Variants in CAPN1 observed in about 807,000 individuals in gnomAD.
CAPN1 encodes the protein calpain-1 catalytic subunit.
A neutral mutation model predicts 105.2 loss-of-function variants in CAPN1; 77 were observed. That is an observed-to-expected ratio of 0.73 (90% confidence interval 0.61 to 0.88). The LOEUF (loss-of-function observed/expected upper bound fraction) is 0.88, where lower values mean the gene tolerates loss of function less well. CAPN1 is among the 40% of genes least tolerant of loss of function. The pLI, the probability that CAPN1 is intolerant of heterozygous loss-of-function variation, is 0.00. For synonymous variants in CAPN1, 355 were observed against 388.8 expected (o/e 0.91, Z 1.02); for missense variants, 833 against 976.6 (o/e 0.85, Z 1.96).
At chr11:65,187,779 T>G in intron 7 of CAPN1, 176 bp from the exon 8 acceptor site, 2 of 536,582 alleles carry the variant, frequency 3.7e-6, no homozygotes, top group South Asian at 4.0e-5. Context: ...TCCAGCTATT[T>G]GGGAGGCTGA....
At chr11:65,195,100 GTTTT>G (rs60778423) in intron 10 of CAPN1, among the ~76,000 whole-genome samples, 4 of 90,906 alleles carry the variant, frequency 4.4e-5, no homozygotes, top group African/African-American at 1.0e-4. Context: ...GTTTTTTGGG[GTTTT>G]TTTTTTTTTT....
chr11:65,207,033 AC>A (rs1423600496), intron 14 of CAPN1, among the ~76,000 whole-genome samples: 3 of 151,976 alleles, frequency 2.0e-5, no homozygotes, highest in African/African-American at 7.3e-5. Flanking sequence ...CTGAGCTCTC[AC>A]CCGGTGGCGG....
Position 65,209,292 on chromosome 11 carries a change from G to C in CAPN1, c.1730-31G>C, listed in dbSNP as rs111711310. 4.3e-4 allele frequency: 683 copies of C among 1,601,274 alleles called. 1 individual carries two copies. The African/African-American group carries it at 7.0e-3, about 16-fold the overall frequency. On this transcript the variant is annotated intron_variant, in intron 16 of 21. Transcript: ENST00000279247. This position sits in a 1 kb window ranked among gnomAD's most constrained non-coding sequence, Gnocchi z 4.1. ...GGGGCAGGTGCAGGAAGCTCACTAG[G>C]TGGAGATGTTGGAATTGGTTTTTCT...
At chr11:65,182,516 C>T in intron 1 of CAPN1, 185 bp from the exon 2 acceptor site, 1 of 607,064 alleles carries the variant, frequency 1.6e-6, no homozygotes, top group Non-Finnish European at 2.8e-6. Context: ...AAATCCCTTT[C>T]CTGGATTCAC....
Position 65,188,580 on chromosome 11 carries a change from C to T in CAPN1, c.1005-6C>T, listed in dbSNP as rs373678024. ...CTGTGCCTCACCTGTGTACCTCCCA[C>T]CTCAGGATGTCATTCCGAGACTTCA... is the stretch of plus-strand genomic sequence containing the variant. On this transcript the variant is annotated splice_region_variant and splice_polypyrimidine_tract_variant and intron_variant, in intron 9 of 21. Transcript: ENST00000279247. This position sits in a 1 kb window ranked among gnomAD's most constrained non-coding sequence, Gnocchi z 5.5. The T allele has an allele frequency of 1.2e-6, 2 of 1,613,902 alleles. No individual in the cohort carries two copies. Among genetic ancestry groups the T allele is most frequent in the African/African-American group, 2.7e-5 (2 of 74,940 alleles).
rs1948680948 is a variant in CAPN1 at position 65,188,849 on chromosome 11, C to T, written c.1165+103C>T. On this transcript the variant is annotated intron_variant, in intron 10 of 21. Transcript: ENST00000279247. The surrounding 1 kb of genome is among the most constrained non-coding windows in gnomAD (Gnocchi z 5.5). Reference sequence around the variant, plus strand: ...CGTTTCCTCACTTGCAAGATATAGGCTGATCTCTTGAATTTGCTTTGAGGA... The same window carrying T: ...CGTTTCCTCACTTGCAAGATATAGGTTGATCTCTTGAATTTGCTTTGAGGA... 5.3e-5 allele frequency: 51 copies of T among 955,544 alleles called. 1 individual carries two copies. In the East Asian group the frequency reaches 1.3e-3, roughly 25 times the overall value. 59.2% of individuals were successfully genotyped at this position (955,544 alleles called of 1,614,324 possible). A position where few individuals can be genotyped will look rare whatever the true frequency, so the allele number is the denominator to read the frequency against.
chr11:65,211,137 C>T (rs1177868266), intron 21 of CAPN1, 123 bp from the exon 22 acceptor site: 3 of 1,121,112 alleles, frequency 2.7e-6, no homozygotes, highest in Non-Finnish European at 3.9e-6. Flanking sequence ...AAAGTAACCC[C>T]TCCATGAGGT....
In CAPN1 at chr11:65,208,931, TC is replaced by T. The variant is rs1390498103; in HGVS notation, c.1730-388del. On this transcript the variant is annotated intron_variant, in intron 16 of 21. Coordinates refer to ENST00000279247, the MANE Select transcript of CAPN1 (RefSeq NM_005186.4). This position sits in a 1 kb window ranked among gnomAD's most constrained non-coding sequence, Gnocchi z 4.1. The stretch of plus-strand genomic sequence containing the variant: ...ACTGCTGGCCTCTCATCCCCTCCCC[TC>T]CCCTTTGCTGCCACTGACCTCCATC... 5.9e-5 allele frequency: 16 copies of T among 271,648 alleles called. No homozygotes were observed. The highest frequency in any genetic ancestry group is 1.4e-4 in the Admixed American group (3 of 21,618). The allele number at this position is 271,648 out of a possible 1,614,324, so 16.8% of individuals were successfully genotyped here. A position where few individuals can be genotyped will look rare whatever the true frequency, so the allele number is the denominator to read the frequency against.
rs757806101 is a variant in CAPN1, at chr11:65,211,768, C to T, written c.*482C>T. 25 of 166,628 alleles carry T rather than the reference C, an allele frequency of 1.5e-4. No homozygotes were observed. Among genetic ancestry groups the T allele is most frequent in the Non-Finnish European group, 3.0e-4 (23 of 76,186 alleles). The allele number at this position is 166,628 out of a possible 1,614,324, so 10.3% of individuals were successfully genotyped here. ...TGGGAACGCCTGTGCCTTCCTGCGC[C>T]GAAGCCAACGCCCCCTCTGTCCTTC... On this transcript the variant is annotated 3_prime_UTR_variant, in exon 22 of 22. Transcript: ENST00000279247.
rs368232986 is a variant in CAPN1, at chr11:65,208,006, G to C, written c.1606-49G>C. 4 of 1,470,130 alleles carry C rather than the reference G, an allele frequency of 2.7e-6. No individual in the cohort carries two copies. The highest frequency in any genetic ancestry group is 9.3e-7 in the Non-Finnish European group (1 of 1,075,032). The allele number at this position is 1,470,130 out of a possible 1,614,324, so 91.1% of individuals were successfully genotyped here. On this transcript the variant is annotated intron_variant, in intron 14 of 21. Transcript: ENST00000279247. The surrounding 1 kb of genome is among the most constrained non-coding windows in gnomAD (Gnocchi z 4.1). ...GCCCTCCCTCCAGCTGCCTCCACAC[G>C]GGCAGGGCCGGGGCCTCTCTTACCT...
In CAPN1 at chr11:65,209,243, C is replaced by T; in HGVS notation, c.1730-80C>T. 2 of 1,133,730 alleles carry T rather than the reference C, an allele frequency of 1.8e-6. No homozygotes were observed. The highest frequency in any genetic ancestry group is 1.3e-5 in the South Asian group (1 of 77,160). The allele number at this position is 1,133,730 out of a possible 1,614,324, so 70.2% of individuals were successfully genotyped here. A position where few individuals can be genotyped will look rare whatever the true frequency, so the allele number is the denominator to read the frequency against. ...CGTCAGGATTTGTGCGTCCTTGACT[C>T]TGCCCCACCCAGTGCTCCCAGCAGG... On this transcript the variant is annotated intron_variant, in intron 16 of 21. Coordinates refer to ENST00000279247, the MANE Select transcript of CAPN1 (RefSeq NM_005186.4). This position sits in a 1 kb window ranked among gnomAD's most constrained non-coding sequence, Gnocchi z 4.1.
In CAPN1 at chr11:65,199,671, C is replaced by G. The variant is rs143585642; in HGVS notation, c.1166-5012C>G. The stretch of plus-strand genomic sequence containing the variant: ...TTCCTTCAGCTCCTTTCTCAGTTCA[C>G]TAATTTTCTTTTTTGCTCTGTCAAA... On this transcript the variant is annotated intron_variant, in intron 10 of 21. Transcript: ENST00000279247. Among the ~76,000 whole-genome samples the G allele has an allele frequency of 1.9e-3, 282 of 152,266 alleles. 3 individuals carry two copies. Among genetic ancestry groups the G allele is most frequent in the African/African-American group, 6.6e-3 (274 of 41,558 alleles).
intron 14 of CAPN1, 83 bp downstream of exon 14, chr11:65,206,902 CCT>C: frequency 7.6e-7 from 1 of 1,308,584 alleles, no homozygotes; most frequent in Admixed American, 2.1e-5. Flanking sequence ...TGTCCTGTCC[CCT>C]GAGTTCCTGC....
rs761255863 is a variant in CAPN1, at chr11:65,209,077, T to C, written c.1730-246T>C. The C allele has an allele frequency of 2.8e-4, 158 of 566,218 alleles. 1 individual carries two copies. The highest frequency in any genetic ancestry group is 4.4e-4 in the Non-Finnish European group (139 of 314,546). The allele number at this position is 566,218 out of a possible 1,614,324, so 35.1% of individuals were successfully genotyped here. A position where few individuals can be genotyped will look rare whatever the true frequency, so the allele number is the denominator to read the frequency against. ...CATCTTTCTACCCAATTTCTCGCTC[T>C]TCTGTTTCACACTCATTTCTTTTTA... is the stretch of plus-strand genomic sequence containing the variant. On this transcript the variant is annotated intron_variant, in intron 16 of 21. Transcript: ENST00000279247. The surrounding 1 kb of genome is among the most constrained non-coding windows in gnomAD (Gnocchi z 4.1).
rs17881821 is a variant in CAPN1, at chr11:65,183,932, A to T, written c.456+340A>T. Among the ~76,000 whole-genome samples, 388 of 152,236 alleles carry T rather than the reference A, an allele frequency of 2.5e-3. 6 individuals carry two copies. The Middle Eastern group carries it at 0.027, about 11-fold the overall frequency. The stretch of plus-strand genomic sequence containing the variant: ...AAGGAGTGTTCGCTGGGGAAAACAG[A>T]TCAGCACGTGTGGCCTTCTCCACGT... On this transcript the variant is annotated intron_variant, in intron 4 of 21. Transcript: ENST00000279247.
In CAPN1 at chr11:65,208,361, G is replaced by T; in HGVS notation, c.1729+99G>T. ...TGAGCTGAACCTCATCCCTTGGTCT[G>T]CATGAGTCGGGGAATCCTCCAGTTT... On this transcript the variant is annotated intron_variant, in intron 16 of 21. Coordinates refer to ENST00000279247, the MANE Select transcript of CAPN1 (RefSeq NM_005186.4). This position sits in a 1 kb window ranked among gnomAD's most constrained non-coding sequence, Gnocchi z 4.1. The T allele has an allele frequency of 8.5e-7, 1 of 1,177,562 alleles. No homozygotes were observed. Among genetic ancestry groups the T allele is most frequent in the Non-Finnish European group, 1.2e-6 (1 of 809,718 alleles). 72.9% of individuals were successfully genotyped at this position (1,177,562 alleles called of 1,614,324 possible).
In CAPN1 at chr11:65,210,391, C is replaced by T. The variant is rs750400812; in HGVS notation, c.1998C>T (p.Pro666=). Residue 666 remains proline (P), a synonymous_variant, in exon 20 of 22, where the codon CCC becomes CCT. Transcript: ENST00000279247. The surrounding 1 kb of genome is among the most constrained non-coding windows in gnomAD (Gnocchi z 4.3). ...YELIITRYSE[P]DLAVDFDNFV... is the part of the protein sequence containing the mutation. Reference sequence around the variant, plus strand: ...TCATCATCACCCGCTACTCGGAGCCCGACCTGGCGGTCGACTTTGACAATT... The same window carrying T: ...TCATCATCACCCGCTACTCGGAGCCTGACCTGGCGGTCGACTTTGACAATT... 33 of 1,613,302 alleles carry T rather than the reference C, an allele frequency of 2.0e-5. No homozygotes were observed. Among genetic ancestry groups the T allele is most frequent in the African/African-American group, 1.3e-4 (10 of 74,916 alleles).
chr11:65,211,176 T>TG, intron 21 of CAPN1, 84 bp from the exon 22 acceptor site: 1 of 1,483,570 alleles, frequency 6.7e-7, no homozygotes, highest in Non-Finnish European at 9.3e-7. Context: ...GACGTGGAGT[T>TG]GGGGGCTGGA....
In CAPN1 at chr11:65,188,107, C is replaced by A. The variant is rs1467259042; in HGVS notation, c.929+67C>A. 6.2e-6 allele frequency: 7 copies of A among 1,133,684 alleles called. No homozygotes were observed. The highest frequency in any genetic ancestry group is 1.5e-5 in the South Asian group (1 of 67,582). The allele number at this position is 1,133,684 out of a possible 1,614,324, so 70.2% of individuals were successfully genotyped here. A position where few individuals can be genotyped will look rare whatever the true frequency, so the allele number is the denominator to read the frequency against. On this transcript the variant is annotated intron_variant, in intron 8 of 21. Coordinates refer to ENST00000279247, the MANE Select transcript of CAPN1 (RefSeq NM_005186.4). The surrounding 1 kb of genome is among the most constrained non-coding windows in gnomAD (Gnocchi z 5.5). ...TGTTAGGTGCCCCGACATTTCTGCT[C>A]GGGACTCTACCAGGCCAGGCTGGAC...
Sources: allele counts gnomAD v4.1 joint callset (sites outside exome capture counted in the v4.1 genomes callset), GRCh38; gene constraint gnomAD v4.1.1; non-coding constraint Gnocchi (gnomAD v3.1); transcripts MANE v1.5; gene names NCBI Gene and HGNC (gene_info 2026-07-23, HGNC 2026-07-21).